The following KLF9 variants were observed in gnomAD, a reference collection of about 807,000 sequenced individuals.
KLF9 encodes the protein KLF transcription factor 9.
A neutral mutation model predicts 17.3 loss-of-function variants in KLF9; 2 were observed. That is an observed-to-expected ratio of 0.12 (90% CI 0.05 to 0.36). KLF9 has a LOEUF of 0.36. KLF9 is among the 10% of genes least tolerant of loss of function. The probability of loss-of-function intolerance (pLI) is 1.00; values close to 1 mark genes in which losing one functional copy is unlikely to be tolerated. For missense variants in KLF9, 226 were observed against 333.2 expected, an observed-to-expected ratio of 0.68 and a Z score of 2.51; for synonymous variants, 138 against 139.2, an observed-to-expected ratio of 0.99 and a Z score of 0.06.
intron 1 of KLF9, among the ~76,000 whole-genome samples, chr9:70,407,878 C>A (rs1298107452): frequency 6.6e-6 from 1 of 152,164 alleles, no homozygotes; most frequent in African/African-American, 2.4e-5. Context: ...GTGTATGCAG[C>A]CTTTTGCATA....
intron 1 of KLF9, among the ~76,000 whole-genome samples, chr9:70,389,487 C>T (rs1026113392): frequency 1.3e-5 from 2 of 152,318 alleles, no homozygotes; most frequent in East Asian, 3.9e-4. Flanking sequence ...GGCCACTTGG[C>T]TGTCCTGACT....
chr9:70,395,915 A>G (rs1337990309), intron 1 of KLF9, among the ~76,000 whole-genome samples: 3 of 152,202 alleles, frequency 2.0e-5, no homozygotes, highest in South Asian at 2.1e-4. Context: ...AGTCTGGGTA[A>G]CAGAGCCAGA....
chr9:70,401,846 C>T lies in KLF9; in HGVS notation c.505+11013G>A, dbSNP rs971093320. On this transcript the variant is annotated intron_variant, in intron 1 of 1. Transcript: ENST00000377126. ...CCTGGCCAACATGGTAAAACCCCGT[C>T]TCTACTAAAAGTACAAAAATGAGCT... Among the ~76,000 whole-genome samples, 4 of 150,732 alleles carry T rather than the reference C, an allele frequency of 2.7e-5. No homozygotes were observed. The South Asian group carries it at 6.3e-4, about 24-fold the overall frequency.
In KLF9 at chr9:70,414,414, AGTTGGTTGAT is replaced by A. The variant is rs1181563005; in HGVS notation, c.-1061_-1052del. 6.6e-6 allele frequency: 1 copy of A among 152,220 alleles called. No homozygotes were observed. Among genetic ancestry groups the A allele is most frequent in the East Asian group, 1.9e-4 (1 of 5,200 alleles). The allele number at this position is 152,220 out of a possible 1,614,324, so 9.4% of individuals were successfully genotyped here. On this transcript the variant is annotated 5_prime_UTR_variant, in exon 1 of 2. It introduces an in-frame stop codon into an upstream open reading frame of the 5' UTR. Coordinates refer to ENST00000377126, the MANE Select transcript of KLF9 (RefSeq NM_001206.4). Reference sequence around the variant, plus strand: ...GCAACCAGCCTTCCAATCAAAAGTAAGTTGGTTGATGTCACTGGCATTGGCTCGGCCAATC... The same window carrying A: ...GCAACCAGCCTTCCAATCAAAAGTAAGTCACTGGCATTGGCTCGGCCAATC...
intron 1 of KLF9, among the ~76,000 whole-genome samples, chr9:70,397,655 C>T (rs950403567): frequency 6.6e-5 from 10 of 152,130 alleles, no homozygotes; most frequent in Non-Finnish European, 1.5e-4. Flanking sequence ...AGTAGGGTTG[C>T]CCAACAAAGG....
At chr9:70,389,469 G>T (rs1417641882) in intron 1 of KLF9, among the ~76,000 whole-genome samples, 1 of 152,144 alleles carries the variant, frequency 6.6e-6, no homozygotes, top group Non-Finnish European at 1.5e-5. Context: ...ACCAAGGCCC[G>T]TGCTCTTGGC....
chr9:70,391,553 T>G (rs1408917117), intron 1 of KLF9, among the ~76,000 whole-genome samples: 1 of 152,138 alleles, frequency 6.6e-6, no homozygotes, highest in Non-Finnish European at 1.5e-5. Flanking sequence ...TCATGTAACT[T>G]GTATAATTCA....
At chr9:70,409,703 A>T (rs377557471) in intron 1 of KLF9, among the ~76,000 whole-genome samples, 1 of 152,340 alleles carries the variant, frequency 6.6e-6, no homozygotes, top group African/African-American at 2.4e-5. Flanking sequence ...AAAGTGTCCA[A>T]AAAGTCTGGA....
chr9:70,409,774 C>T (rs561256385), intron 1 of KLF9, among the ~76,000 whole-genome samples: 1 of 152,316 alleles, frequency 6.6e-6, no homozygotes, highest in East Asian at 1.9e-4. Context: ...AATGGATCCA[C>T]TGCTTAAACT....
intron 1 of KLF9, among the ~76,000 whole-genome samples, chr9:70,393,633 A>G (rs966604249): frequency 1.3e-5 from 2 of 152,232 alleles, no homozygotes; most frequent in African/African-American, 4.8e-5. Flanking sequence ...CTTCCATTGC[A>G]TCTAGCAAAA....
intron 1 of KLF9, among the ~76,000 whole-genome samples, chr9:70,388,213 G>A (rs1437362818): frequency 6.6e-6 from 1 of 152,126 alleles, no homozygotes; most frequent in Admixed American, 6.5e-5. Context: ...CTTTAAAGAG[G>A]CAACTGATGT....
rs561767471 is a variant in KLF9, at chr9:70,396,842, C to T, written c.506-8837G>A. On this transcript the variant is annotated intron_variant, in intron 1 of 1. Transcript: ENST00000377126. ...TTTTTAAAAGTCTTACAGAAAACAG[C>T]GATACATCTGAGTTTAAACCATTCC... is the stretch of plus-strand genomic sequence containing the variant. Among the ~76,000 whole-genome samples the T allele has an allele frequency of 8.5e-5, 13 of 152,080 alleles. No homozygotes were observed. In the East Asian group the frequency reaches 1.5e-3, roughly 18 times the overall value.
chr9:70,402,704 C>A (rs185246402), intron 1 of KLF9, among the ~76,000 whole-genome samples: 1 of 152,298 alleles, frequency 6.6e-6, no homozygotes, highest in Non-Finnish European at 1.5e-5. Context: ...TCTGTACATT[C>A]ACTTATGGCC....
chr9:70,399,347 TC>T (rs2037206460), intron 1 of KLF9, among the ~76,000 whole-genome samples: 1 of 152,090 alleles, frequency 6.6e-6, no homozygotes, highest in South Asian at 2.1e-4. Flanking sequence ...TGATGCAACC[TC>T]CCCACAACCA....
chr9:70,388,241 G>A (rs973138580), intron 1 of KLF9, among the ~76,000 whole-genome samples: 5 of 152,144 alleles, frequency 3.3e-5, no homozygotes, highest in African/African-American at 1.2e-4. Context: ...GTTCATGAGG[G>A]CAGGCCTTAA....
chr9:70,408,427 C>T (rs1289050010), intron 1 of KLF9, among the ~76,000 whole-genome samples: 2 of 152,036 alleles, frequency 1.3e-5, no homozygotes, highest in Non-Finnish European at 2.9e-5. Flanking sequence ...TCTGGGGAGC[C>T]CTCTGGAAAG....
intron 1 of KLF9, among the ~76,000 whole-genome samples, chr9:70,392,142 G>A (rs1335161598): frequency 1.3e-5 from 2 of 152,176 alleles, no homozygotes; most frequent in Admixed American, 6.5e-5. Flanking sequence ...CCAAGATCAC[G>A]CCACTGCACT....
rs2037216074 is a variant in KLF9 at position 70,400,834 on chromosome 9, T to A, written c.505+12025A>T. Among the ~76,000 whole-genome samples the A allele has an allele frequency of 3.3e-5, 5 of 152,244 alleles. No individual in the cohort carries two copies. The South Asian group carries it at 1.0e-3, about 32-fold the overall frequency. On this transcript the variant is annotated intron_variant, in intron 1 of 1. Transcript: ENST00000377126. ...GCTTTTAACCCTTCTACTCTTGGGA[T>A]GGAGTGAGCCACTAAGTCACATGGC...
chr9:70,390,632 T>TAC lies in KLF9; in HGVS notation c.506-2629_506-2628dup, dbSNP rs375788345. On this transcript the variant is annotated intron_variant, in intron 1 of 1. Coordinates refer to ENST00000377126, the MANE Select transcript of KLF9 (RefSeq NM_001206.4). Reference sequence around the variant, plus strand: ...AAGCATTTGGTAAATGCTCAAACTTTACACACACACACACACATACACACA... The same window carrying TAC: ...AAGCATTTGGTAAATGCTCAAACTTTACACACACACACACACACATACACACA... 1.0e-3 allele frequency among the ~76,000 whole-genome samples: 151 copies of TAC among 151,018 alleles called. 2 individuals carry two copies. In the Middle Eastern group the frequency reaches 0.017, roughly 17 times the overall value.
Sources: allele counts gnomAD v4.1 joint callset (sites outside exome capture counted in the v4.1 genomes callset), GRCh38; gene constraint gnomAD v4.1.1; transcripts MANE v1.5; gene names NCBI Gene and HGNC (gene_info 2026-07-23, HGNC 2026-07-21).